The following AZIN2 variants were observed in gnomAD, a reference collection of about 807,000 sequenced individuals.
AZIN2 encodes the protein ODC antizyme inhibitor-2.
AZIN2 carries 28 observed loss-of-function variants against 47.8 expected under a neutral mutation model. That is an observed-to-expected ratio of 0.59 (90% CI 0.43 to 0.80). The LOEUF (loss-of-function observed/expected upper bound fraction) is 0.80. Among genes scored for constraint, AZIN2 ranks in the 30% least tolerant of loss-of-function variants. AZIN2 has a pLI of 0.00. For missense variants in AZIN2, 535 were observed against 582.5 expected (o/e 0.92, Z 0.84); for synonymous variants, 221 against 239.4 (o/e 0.92, Z 0.71).
Position 33,094,730 on chromosome 1 carries a change from G to T in AZIN2, c.753+17G>T. 6.2e-7 allele frequency: 1 copy of T among 1,613,668 alleles called. No individual in the cohort carries two copies. The highest frequency in any genetic ancestry group is 1.1e-5 in the South Asian group (1 of 91,052). On this transcript the variant is annotated intron_variant, in intron 8 of 11. Coordinates refer to ENST00000294517, the MANE Select transcript of AZIN2 (RefSeq NM_052998.4). ...TTTGAAGAGGTAACCCTGGAGCTGG[G>T]AGTGTCATGCTGGGCTCTATGGCGG...
At chr1:33,110,655 G>C (rs924003602) in intron 10 of AZIN2, among the ~76,000 whole-genome samples, 3 of 152,054 alleles carry the variant, frequency 2.0e-5, no homozygotes, top group Non-Finnish European at 4.4e-5. Flanking sequence ...AGAATGGGAA[G>C]ATAGAGTTGA....
chr1:33,165,488 G>A, the AZIN2 span: 1 of 1,607,158 alleles, frequency 6.2e-7, no homozygotes, highest in South Asian at 1.1e-5. The surrounding 1 kb of genome is among the most constrained non-coding windows in gnomAD (Gnocchi z 4.0). Context: ...TCCGCCAGTT[G>A]TCGCTTGAGC....
intron 11 of AZIN2, 88 bp downstream of exon 11, chr1:33,118,204 T>A (rs1390876659): frequency 7.3e-7 from 1 of 1,372,380 alleles, no homozygotes; most frequent in Non-Finnish European, 9.7e-7. Context: ...TGCTTCTGTG[T>A]AATCCAACTT....
At chr1:33,143,170 G>C in the AZIN2 span, 1 of 152,160 alleles carries the variant, frequency 6.6e-6, no homozygotes, top group African/African-American at 2.4e-5. Context: ...CTCTGGACGT[G>C]TATCAAATAT....
At position 33,081,248 on chromosome 1, in the gene AZIN2, C is replaced by T. The variant is rs192022456; in HGVS notation, c.-452C>T. 722 of 153,252 alleles carry T rather than the reference C, an allele frequency of 4.7e-3. 4 individuals are homozygous for T. Among genetic ancestry groups the T allele is most frequent in the Middle Eastern group, 0.01 (3 of 296 alleles). 9.5% of individuals were successfully genotyped at this position (153,252 alleles called of 1,614,324 possible). A position where few individuals can be genotyped will look rare whatever the true frequency, so the allele number is the denominator to read the frequency against. ...GCGGAGGCGCCGAGGATCCGATTCA[C>T]TCCCTGGGGAGACCTATGGGCCGAA... On this transcript the variant is annotated 5_prime_UTR_variant, in exon 1 of 12. Transcript: ENST00000294517. The surrounding 1 kb of genome is among the most constrained non-coding windows in gnomAD (Gnocchi z 4.2).
At chr1:33,159,187 T>G in the AZIN2 span, among the ~76,000 whole-genome samples, 1 of 152,024 alleles carries the variant, frequency 6.6e-6, no homozygotes, top group Non-Finnish European at 1.5e-5. This position sits in a 1 kb window ranked among gnomAD's most constrained non-coding sequence, Gnocchi z 4.2. Flanking sequence ...ATGACAGTGG[T>G]AACTACTTTC....
At position 33,081,776 on chromosome 1, in the gene AZIN2, C is replaced by A; in HGVS notation, c.-109C>A. On this transcript the variant is annotated 5_prime_UTR_variant, in exon 3 of 12. In the 5' UTR this introduces an upstream ATG that the reference lacks. Coordinates refer to ENST00000294517, the MANE Select transcript of AZIN2 (RefSeq NM_052998.4). This position sits in a 1 kb window ranked among gnomAD's most constrained non-coding sequence, Gnocchi z 4.2. ...TCGAACTTAAGCTCTTGCTCTTAGGCTGAGACGCCTTGATGTGGCCACCGG... is the reference window on the plus strand; with the variant it reads ...TCGAACTTAAGCTCTTGCTCTTAGGATGAGACGCCTTGATGTGGCCACCGG... The A allele has an allele frequency of 4.2e-6, 1 of 240,780 alleles. No individual in the cohort carries two copies. The allele number at this position is 240,780 out of a possible 1,614,324, so 14.9% of individuals were successfully genotyped here. A position where few individuals can be genotyped will look rare whatever the true frequency, so the allele number is the denominator to read the frequency against.
chr1:33,148,538 G>A, the AZIN2 span, among the ~76,000 whole-genome samples: 1 of 152,156 alleles, frequency 6.6e-6, no homozygotes, highest in Non-Finnish European at 1.5e-5. Context: ...TTTTACCTAT[G>A]ACGAGAGGAC....
intron 4 of AZIN2, chr1:33,083,373 A>T (rs777689229): frequency 6.0e-6 from 1 of 167,914 alleles, no homozygotes; most frequent in Non-Finnish European, 1.3e-5. Context: ...CCTTTAGCAC[A>T]TCTACAATGA....
At chr1:33,151,590 C>T in the AZIN2 span, among the ~76,000 whole-genome samples, 1 of 152,172 alleles carries the variant, frequency 6.6e-6, no homozygotes, top group Non-Finnish European at 1.5e-5. Context: ...AGGTGACAGG[C>T]CCAGCAAAAC....
At chr1:33,139,977 T>A in the AZIN2 span, among the ~76,000 whole-genome samples, 1 of 152,182 alleles carries the variant, frequency 6.6e-6, no homozygotes, top group Non-Finnish European at 1.5e-5. Flanking sequence ...GTGCATAGGT[T>A]GTAGACAGGG....
At chr1:33,136,281 C>T in the AZIN2 span, among the ~76,000 whole-genome samples, 1 of 149,110 alleles carries the variant, frequency 6.7e-6, no homozygotes, top group Non-Finnish European at 1.5e-5. Flanking sequence ...TTCTTTCTCT[C>T]TTCCTTTCCT....
chr1:33,158,241 C>A, the AZIN2 span: 88 of 1,612,150 alleles, frequency 5.5e-5, no homozygotes, highest in Middle Eastern at 4.9e-4. Context: ...ACCATGATAA[C>A]CCATGCCTTA....
the AZIN2 span, among the ~76,000 whole-genome samples, chr1:33,149,053 C>T: frequency 2.6e-5 from 4 of 152,190 alleles, no homozygotes; most frequent in African/African-American, 9.7e-5. Flanking sequence ...TGCAACCACC[C>T]CCAGAGGCTC....
intron 9 of AZIN2, among the ~76,000 whole-genome samples, chr1:33,097,183 T>C (rs1643246145): frequency 6.6e-6 from 1 of 152,224 alleles, no homozygotes; most frequent in African/African-American, 2.4e-5. Context: ...AACTGCTTAA[T>C]AGCTAGTAAG....
chr1:33,162,136 A>G, the AZIN2 span, among the ~76,000 whole-genome samples: 2 of 152,308 alleles, frequency 1.3e-5, no homozygotes, highest in East Asian at 3.9e-4. Flanking sequence ...TGATCCTTCT[A>G]AAGTGCCAAC....
chr1:33,105,477 T>C (rs1643956536), intron 10 of AZIN2, among the ~76,000 whole-genome samples: 2 of 152,156 alleles, frequency 1.3e-5, no homozygotes, highest in Non-Finnish European at 2.9e-5. Context: ...TCTGCATGGA[T>C]AGGGAGGCCT....
the AZIN2 span, chr1:33,145,840 C>T: frequency 2.1e-6 from 1 of 470,880 alleles, no homozygotes; most frequent in Non-Finnish European, 4.4e-6. Flanking sequence ...GGGCTTGCTC[C>T]ACCCACCCTA....
chr1:33,127,307 T>C (rs553559834), downstream of AZIN2, among the ~76,000 whole-genome samples: 4 of 152,370 alleles, frequency 2.6e-5, no homozygotes, highest in South Asian at 2.1e-4. Context: ...TCCGGTAGCG[T>C]AAAGTCACTT....
Sources: allele counts gnomAD v4.1 joint callset (sites outside exome capture counted in the v4.1 genomes callset), GRCh38; gene constraint gnomAD v4.1.1; non-coding constraint Gnocchi (gnomAD v3.1); transcripts MANE v1.5; gene names NCBI Gene and HGNC (gene_info 2026-07-23, HGNC 2026-07-21).